Variants in ABCC6 observed in about 807,000 individuals in gnomAD.
ABCC6 encodes the protein ATP-binding cassette sub-family C member 6.
A neutral mutation model predicts 169.5 loss-of-function variants in ABCC6; 126 were observed. The ratio of observed to expected loss-of-function variants is 0.74; its 90% confidence interval spans 0.64 to 0.86. The LOEUF (loss-of-function observed/expected upper bound fraction) is 0.86, where lower values mean the gene tolerates loss of function less well. ABCC6 is among the 40% of genes least tolerant of loss of function. The probability of loss-of-function intolerance (pLI) is 0.00; values close to 1 mark genes in which losing one functional copy is unlikely to be tolerated. For missense variants in ABCC6, 1,733 were observed against 1,927.2 expected (o/e 0.90, Z 1.89); for synonymous variants, 752 against 814.7 (o/e 0.92, Z 1.31).
chr16:16,183,375 C>T (rs968092253), intron 15 of ABCC6, among the ~76,000 whole-genome samples: 4 of 152,266 alleles, frequency 2.6e-5, no homozygotes, highest in Middle Eastern at 6.8e-3. Flanking sequence ...CTCTTTCCTC[C>T]CTCCCTCCCG....
intron 25 of ABCC6, among the ~76,000 whole-genome samples, chr16:16,160,872 T>C (rs1176049188): frequency 2.0e-5 from 3 of 152,044 alleles, no homozygotes; most frequent in Non-Finnish European, 4.4e-5. Context: ...GCCTCCTCCA[T>C]AACAAATGCT....
At chr16:16,182,625 G>T in intron 16 of ABCC6, 37 bp from the exon 17 acceptor site, 1 of 1,606,686 alleles carries the variant, frequency 6.2e-7, no homozygotes, top group Non-Finnish European at 8.5e-7. Flanking sequence ...GGAGGATGAT[G>T]GGGACAGAGG....
chr16:16,203,563 G>A lies in ABCC6; in HGVS notation c.845C>T (p.Ala282Val), dbSNP rs2048308889. 6.2e-7 allele frequency: 1 copy of A among 1,613,914 alleles called. No homozygotes were observed. The change falls in exon 8 of 31, where the codon GCT becomes GTT. Residue 282 changes from alanine to valine, a missense_variant. Ala to Val is a moderately conservative substitution (Grantham distance 64). Around this residue, in one of 5 missense-constraint regions of ABCC6, gnomAD observed 1,601 missense variants for 1,635.5 expected, o/e 0.98. Coordinates refer to ENST00000205557, the MANE Select transcript of ABCC6 (RefSeq NM_001171.6). ...CCGTAGGAAGGGCTCGGTCTCTGGA[G>A]CCTTCATGCCACTGCCGCCTTTCCT... ...FKRKGGSGMK[A>V]PETEPFLRQE...
chr16:16,201,932 C>T lies in ABCC6; in HGVS notation c.1176+69G>A, dbSNP rs891417572. 3.1e-6 allele frequency: 5 copies of T among 1,591,978 alleles called. No individual in the cohort carries two copies. In the African/African-American group the frequency reaches 4.0e-5, roughly 13 times the overall value. On this transcript the variant is annotated intron_variant, in intron 9 of 30. Coordinates refer to ENST00000205557, the MANE Select transcript of ABCC6 (RefSeq NM_001171.6). Reference sequence around the variant, plus strand: ...TGAATGCGTTCTCAGCTGCTGATAACATTACTGCCCGCTCAGTGATACTGC... The same window carrying T: ...TGAATGCGTTCTCAGCTGCTGATAATATTACTGCCCGCTCAGTGATACTGC...
chr16:16,196,846 C>T (rs1338611118), intron 10 of ABCC6, among the ~76,000 whole-genome samples: 1 of 152,096 alleles, frequency 6.6e-6, no homozygotes, highest in African/African-American at 2.4e-5. Flanking sequence ...GGGTTATAGG[C>T]ACCCACCACT....
intron 15 of ABCC6, 105 bp from the exon 16 acceptor site, chr16:16,183,035 C>G (rs1388767213): frequency 9.6e-6 from 15 of 1,558,844 alleles, no homozygotes; most frequent in South Asian, 5.6e-5. Context: ...CTGGGAGTCT[C>G]CAAGAGGACC....
rs1188693788 is a variant in ABCC6, at chr16:16,188,831, C to T, written c.1779G>A (p.Gln593=). 1 of 1,613,514 alleles carries T rather than the reference C, an allele frequency of 6.2e-7. No individual in the cohort carries two copies. The change falls in exon 13 of 31, where the codon CAG becomes CAA. Residue 593 remains glutamine, a splice_region_variant and synonymous_variant. Coordinates refer to ENST00000205557, the MANE Select transcript of ABCC6 (RefSeq NM_001171.6). ...FLPFSIHSLV[Q]ARVSFDRLVT... ...GCTCCAGCCCTTGCACCCACCTCACCTGGACGAGGGAGTGGATGGAGAAGG... is the reference window on the plus strand; with the variant it reads ...GCTCCAGCCCTTGCACCCACCTCACTTGGACGAGGGAGTGGATGGAGAAGG...
rs369573905 is a variant in ABCC6, at chr16:16,218,065, G to T, written c.474+1489C>A. Among the ~76,000 whole-genome samples the T allele has an allele frequency of 3.0e-3, 464 of 152,230 alleles. 1 individual carries two copies. The highest frequency in any genetic ancestry group is 0.027 in the Middle Eastern group (8 of 294). On this transcript the variant is annotated intron_variant, in intron 4 of 30. Coordinates refer to ENST00000205557, the MANE Select transcript of ABCC6 (RefSeq NM_001171.6). ...GATCGTGCCACTGCACTCCAGCCTGGGCAATAGAGCAAGACTCTGTCTCAG... is the reference window on the plus strand; with the variant it reads ...GATCGTGCCACTGCACTCCAGCCTGTGCAATAGAGCAAGACTCTGTCTCAG...
intron 13 of ABCC6, among the ~76,000 whole-genome samples, chr16:16,187,877 A>G (rs2047699239): frequency 6.6e-6 from 1 of 151,146 alleles, no homozygotes; most frequent in South Asian, 2.1e-4. Context: ...AGCCTGGGTG[A>G]CAGAGTGAGA....
At chr16:16,186,979 C>T (rs1037074318) in intron 14 of ABCC6, 145 bp downstream of exon 14, 21 of 719,650 alleles carry the variant, frequency 2.9e-5, no homozygotes, top group African/African-American at 1.4e-4. Context: ...CCAAGTGACA[C>T]GCAGATGGCG....
At chr16:16,197,036 C>G (rs758219573) in intron 10 of ABCC6, among the ~76,000 whole-genome samples, 12 of 152,198 alleles carry the variant, frequency 7.9e-5, no homozygotes, top group Non-Finnish European at 1.5e-4. Flanking sequence ...TATACCACAA[C>G]GTTAAAGGAA....
intron 26 of ABCC6, 42 bp downstream of exon 26, chr16:16,159,440 T>A (rs776633873): frequency 4.8e-6 from 7 of 1,448,598 alleles, no homozygotes; most frequent in South Asian, 1.1e-5. Flanking sequence ...CCCCCCACAA[T>A]ATGTCCTTGC....
intron 4 of ABCC6, among the ~76,000 whole-genome samples, chr16:16,217,967 G>A (rs201100773): frequency 6.6e-6 from 1 of 152,168 alleles, no homozygotes; most frequent in African/African-American, 2.4e-5. Context: ...GCACATGCCT[G>A]TAATCCCAGC....
At chr16:16,190,123 T>A in intron 12 of ABCC6, 41 bp downstream of exon 12, 92 of 1,593,386 alleles carry the variant, frequency 5.8e-5, no homozygotes, top group South Asian at 7.7e-5. Flanking sequence ...CCCGCACTCC[T>A]TCCCCAGTGC....
Position 16,203,618 on chromosome 16 carries a change from G to A in ABCC6, c.795-5C>T, listed in dbSNP as rs1364667120. On this transcript the variant is annotated splice_region_variant and splice_polypyrimidine_tract_variant and intron_variant, in intron 7 of 30. Transcript: ENST00000205557. ...AATGCTATTGCCTTGTTGTGCCTGA[G>A]GGGAAGGGAGAGATTAGCTCTGGGT... is the stretch of plus-strand genomic sequence containing the variant. 1 of 1,613,976 alleles carries A rather than the reference G, an allele frequency of 6.2e-7. No homozygotes were observed.
chr16:16,187,157 G>A lies in ABCC6; in HGVS notation c.1834C>T (p.Pro612Ser), dbSNP rs944326875. The A allele has an allele frequency of 6.2e-7, 1 of 1,613,724 alleles. No homozygotes were observed. The highest frequency in any genetic ancestry group is 8.5e-7 in the Non-Finnish European group (1 of 1,179,830). The change falls in exon 14 of 31, where the codon CCT becomes TCT. Residue 612 changes from proline to serine, a missense_variant. Physicochemically the swap from Pro to Ser is moderately conservative, Grantham distance 74. Transcript: ENST00000205557. Reference sequence around the variant, plus strand: ...GAGGAACTTGAGTCTACGACACCAGGGTCAACTTCTTCCAGGCAGAGGAAG... The same window carrying A: ...GAGGAACTTGAGTCTACGACACCAGAGTCAACTTCTTCCAGGCAGAGGAAG... ...VTFLCLEEVD[P>S]GVVDSSSSGS...
chr16:16,203,530 C>T lies in ABCC6; in HGVS notation c.878G>A (p.Gly293Glu). 2 of 1,614,004 alleles carry T rather than the reference C, an allele frequency of 1.2e-6. No homozygotes were observed. The highest frequency in any genetic ancestry group is 1.7e-6 in the Non-Finnish European group (2 of 1,179,872). Residue 293 changes from glycine (G) to glutamate (E), a missense_variant, in exon 8 of 31, where the codon GGG (glycine) becomes GAG (glutamate). This residue lies in a region of ABCC6 where 1,601 missense variants were observed against 1,635.5 expected (regional missense o/e 0.98). Coordinates refer to ENST00000205557, the MANE Select transcript of ABCC6 (RefSeq NM_001171.6). Reference protein sequence around the residue: ...PETEPFLRQEGSQWRPLLKAI... With the variant: ...PETEPFLRQEESQWRPLLKAI... ...CTTCAGCAGTGGGCGCCACTGGCTC[C>T]CTTCTTGCCGTAGGAAGGGCTCGGT... is the stretch of plus-strand genomic sequence containing the variant.
chr16:16,178,759 C>T, intron 18 of ABCC6, 39 bp downstream of exon 18: 1 of 1,612,952 alleles, frequency 6.2e-7, no homozygotes, highest in South Asian at 1.1e-5. Flanking sequence ...CTTCCTCTGC[C>T]TTTGCCCTGT....
At chr16:16,210,454 A>G (rs1457964521) in intron 6 of ABCC6, among the ~76,000 whole-genome samples, 1 of 152,174 alleles carries the variant, frequency 6.6e-6, no homozygotes, top group Non-Finnish European at 1.5e-5. Flanking sequence ...TCCCTTTTCT[A>G]ATGCAGAGCC....
Sources: gnomAD v4.1 joint callset for allele counts (sites outside exome capture counted in the v4.1 genomes callset) on GRCh38, gnomAD v4.1.1 for gene constraint, gnomAD v4.1.1 regional missense constraint, MANE v1.5 for transcripts, NCBI Gene and HGNC (gene_info 2026-07-23, HGNC 2026-07-21) for gene names.